The following SCIN variants were observed in gnomAD, a reference collection of about 807,000 sequenced individuals.
The protein encoded by SCIN is adseverin.
A neutral mutation model predicts 91.8 loss-of-function variants in SCIN; 91 were observed. The observed-to-expected ratio is 0.99, with a 90% confidence interval of 0.84 to 1.18. The LOEUF is 1.18. Among genes scored for constraint, SCIN ranks in the 50% most tolerant of loss-of-function variants. SCIN has a pLI of 0.00. For missense variants in SCIN, 1,087 were observed against 863.9 expected (o/e 1.26, Z -3.24); for synonymous variants, 367 against 312.6 (o/e 1.17, Z -1.84).
At chr7:12,596,250 G>A (rs1192784374) in intron 3 of SCIN, 1 of 414,990 alleles carries the variant, frequency 2.4e-6, no homozygotes, top group East Asian at 7.1e-5. Flanking sequence ...GCCAACCTGA[G>A]TCTTTCTTCC....
In SCIN at chr7:12,651,876, T is replaced by G; in HGVS notation, c.1995T>G (p.Val665=). The G allele has an allele frequency of 3.7e-6, 6 of 1,603,272 alleles. No individual in the cohort carries two copies. The highest frequency in any genetic ancestry group is 5.1e-6 in the Non-Finnish European group (6 of 1,172,994). Residue 665 remains valine (V), a synonymous_variant, in exon 15 of 16, where the codon GTT becomes GTG. Coordinates refer to ENST00000297029, the MANE Select transcript of SCIN (RefSeq NM_001112706.3). This position sits in a 1 kb window ranked among gnomAD's most constrained non-coding sequence, Gnocchi z 5.9. ...GGATTGGCAAAGATGCTAATGAAGT[T>G]GAGAAAAAAGAATCTCTGAAGTCTG... ...FIWIGKDANE[V]EKKESLKSAK... is the part of the protein sequence containing the mutation.
At chr7:12,613,901 A>G (rs1479236738) in intron 4 of SCIN, among the ~76,000 whole-genome samples, 1 of 152,196 alleles carries the variant, frequency 6.6e-6, no homozygotes, top group Non-Finnish European at 1.5e-5. Flanking sequence ...AGGTACCAAC[A>G]TGCTGCTAAA....
chr7:12,650,783 T>G (rs1784063461), intron 14 of SCIN, among the ~76,000 whole-genome samples: 1 of 152,124 alleles, frequency 6.6e-6, no homozygotes, highest in Non-Finnish European at 1.5e-5. Flanking sequence ...TACTAAACAT[T>G]ATAGCATTTG....
At chr7:12,596,392 C>T (rs750897636) in intron 3 of SCIN, 2 of 454,966 alleles carry the variant, frequency 4.4e-6, no homozygotes, top group African/African-American at 2.0e-5. Context: ...CAGGAAATGG[C>T]CTCCCTGATG....
intron 3 of SCIN, among the ~76,000 whole-genome samples, chr7:12,587,205 G>A (rs886135494): frequency 1.3e-5 from 2 of 152,096 alleles, no homozygotes; most frequent in Admixed American, 6.6e-5. Flanking sequence ...CAATAAATAT[G>A]TACAATTTTT....
chr7:12,597,271 T>C (rs188462277), intron 3 of SCIN, among the ~76,000 whole-genome samples: 4 of 152,364 alleles, frequency 2.6e-5, no homozygotes, highest in Admixed American at 2.0e-4. Context: ...AGATACATCT[T>C]AATGAATTTC....
intron 2 of SCIN, among the ~76,000 whole-genome samples, chr7:12,579,640 G>A (rs550154146): frequency 5.9e-5 from 9 of 152,324 alleles, no homozygotes; most frequent in African/African-American, 2.2e-4. Context: ...CTGTAGTCGA[G>A]CATGGTGGCT....
At chr7:12,573,766 A>G (rs1053318150) in intron 1 of SCIN, among the ~76,000 whole-genome samples, 2 of 152,168 alleles carry the variant, frequency 1.3e-5, no homozygotes, top group African/African-American at 4.8e-5. Flanking sequence ...TCTCTTTGCC[A>G]GTTTTAAACT....
intron 9 of SCIN, among the ~76,000 whole-genome samples, chr7:12,635,169 A>AAAC (rs1176566760): frequency 6.6e-6 from 1 of 151,186 alleles, no homozygotes; most frequent in African/African-American, 2.4e-5. Flanking sequence ...ACTCTGTCTC[A>AAAC]AATAATAATA....
chr7:12,630,036 C>G (rs1484592954), intron 9 of SCIN, among the ~76,000 whole-genome samples: 2 of 152,008 alleles, frequency 1.3e-5, no homozygotes, highest in African/African-American at 4.8e-5. Context: ...GGGCAGACGC[C>G]TACCTTTGCC....
intron 3 of SCIN, among the ~76,000 whole-genome samples, chr7:12,603,423 A>G (rs1427070394): frequency 6.6e-6 from 1 of 152,098 alleles, no homozygotes; most frequent in African/African-American, 2.4e-5. Flanking sequence ...AATTACAGGC[A>G]TGAGCCACCA....
At chr7:12,604,893 A>G (rs886575544) in intron 4 of SCIN, among the ~76,000 whole-genome samples, 5 of 152,172 alleles carry the variant, frequency 3.3e-5, no homozygotes, top group Admixed American at 6.5e-5. Context: ...TGGTGTCACT[A>G]TCAAAGGAGC....
At chr7:12,595,953 G>T (rs983316782) in intron 3 of SCIN, among the ~76,000 whole-genome samples, 3 of 152,160 alleles carry the variant, frequency 2.0e-5, no homozygotes, top group African/African-American at 4.8e-5. Context: ...TCAGAAGAAA[G>T]AATTCGACTG....
At position 12,578,306 on chromosome 7, in the gene SCIN, AGGGCAG is replaced by A; in HGVS notation, c.354+92_354+97del. ...GTCTTCATAGAATGACAGTTCGTTG[AGGGCAG>A]GGGTTTTTGTTTTATTTGCTTTTGT... On this transcript the variant is annotated intron_variant, in intron 2 of 15. Transcript: ENST00000297029. The A allele has an allele frequency of 4.9e-6, 6 of 1,229,812 alleles. No homozygotes were observed. In the Middle Eastern group the frequency reaches 1.7e-3, roughly 349 times the overall value. The allele number at this position is 1,229,812 out of a possible 1,614,324, so 76.2% of individuals were successfully genotyped here.
In SCIN at chr7:12,570,879, C is replaced by T. The variant is rs574597956; in HGVS notation, c.93C>T (p.Pro31=). The change falls in exon 1 of 16, where the codon CCC becomes CCT. Residue 31 remains proline (P), a synonymous_variant. Transcript: ENST00000297029. ...VWRIEKLELV[P]VPQSAHGDFY... is the part of the protein sequence containing the mutation. ...GGATTGAGAAGCTGGAGCTGGTGCC[C>T]GTGCCCCAGAGCGCTCACGGCGACT... 1.9e-5 allele frequency: 30 copies of T among 1,551,528 alleles called. No homozygotes were observed. The East Asian group carries it at 6.9e-4, about 35-fold the overall frequency.
intron 4 of SCIN, among the ~76,000 whole-genome samples, chr7:12,609,963 A>G (rs2115256931): frequency 6.6e-6 from 1 of 152,214 alleles, no homozygotes; most frequent in Admixed American, 6.5e-5. Context: ...AAGTTTGAAG[A>G]CTCTGCTTAC....
chr7:12,637,815 ATATC>A (rs1162121661), intron 10 of SCIN, among the ~76,000 whole-genome samples: 1 of 151,842 alleles, frequency 6.6e-6, no homozygotes, highest in Admixed American at 6.6e-5. Context: ...ACTTTTTAGT[ATATC>A]TATCTATCTA....
intron 3 of SCIN, among the ~76,000 whole-genome samples, chr7:12,591,106 G>A (rs529392229): frequency 6.6e-6 from 1 of 152,248 alleles, no homozygotes; most frequent in South Asian, 2.1e-4. Context: ...GAGGCTCGGA[G>A]GAAATGTTTG....
chr7:12,588,684 C>G (rs902104933), intron 3 of SCIN, among the ~76,000 whole-genome samples: 2 of 151,656 alleles, frequency 1.3e-5, no homozygotes, highest in Non-Finnish European at 2.9e-5. Flanking sequence ...ATCCACGTTT[C>G]TCGTGACCTC....
Sources: gnomAD v4.1 joint callset for allele counts (sites outside exome capture counted in the v4.1 genomes callset) on GRCh38, gnomAD v4.1.1 for gene constraint, Gnocchi (gnomAD v3.1) non-coding constraint, MANE v1.5 for transcripts, NCBI Gene and HGNC (gene_info 2026-07-23, HGNC 2026-07-21) for gene names.